ZNG1B: variants seen among roughly 807,000 people sequenced by gnomAD.
The protein encoded by ZNG1B is zinc-regulated GTPase metalloprotein activator 1B.
At chr2:113,455,524 A>G in the ZNG1B span, 11 of 1,156,812 alleles carry the variant, frequency 9.5e-6, no homozygotes, top group African/African-American at 6.3e-5. Context: ...ATGTTGTTAC[A>G]TACAGTAAAA....
the ZNG1B span, among the ~76,000 whole-genome samples, chr2:113,473,696 T>C: frequency 0.25 from 26,782 of 107,282 alleles, 2,613 homozygotes; most frequent in East Asian, 0.46. Context: ...TTTAGCATGA[T>C]GGGTTGTTGA....
the ZNG1B span, among the ~76,000 whole-genome samples, chr2:113,472,591 T>A: frequency 6.6e-6 from 1 of 151,878 alleles, no homozygotes; most frequent in Non-Finnish European, 1.5e-5. Flanking sequence ...AATGCCTAGG[T>A]CTTCTTCTAG....
At chr2:113,448,771 G>C in the ZNG1B span, among the ~76,000 whole-genome samples, 1 of 151,962 alleles carries the variant, frequency 6.6e-6, no homozygotes, top group African/African-American at 2.4e-5. Context: ...TGGCTTGGTG[G>C]TGGGAGCCTG....
chr2:113,486,990 G>C, the ZNG1B span, among the ~76,000 whole-genome samples: 1 of 127,106 alleles, frequency 7.9e-6, no homozygotes, highest in African/African-American at 3.1e-5. Flanking sequence ...TAAAATAATT[G>C]TCATTTAAAA....
the ZNG1B span, among the ~76,000 whole-genome samples, chr2:113,446,773 CACACACACACACACACACATTCAT>C: frequency 3.4e-4 from 18 of 52,400 alleles, no homozygotes; most frequent in East Asian, 5.8e-3. Context: ...CATGCACACG[CACACACACACACACACACATTCAT>C]ACACACACAC....
At chr2:113,476,742 G>T in the ZNG1B span, among the ~76,000 whole-genome samples, 1 of 151,980 alleles carries the variant, frequency 6.6e-6, no homozygotes, top group Non-Finnish European at 1.5e-5. Flanking sequence ...TAACAGACAG[G>T]ACCTTCAGCT....
the ZNG1B span, among the ~76,000 whole-genome samples, chr2:113,487,521 A>C: frequency 6.6e-5 from 10 of 151,922 alleles, no homozygotes; most frequent in Non-Finnish European, 1.3e-4. Context: ...CCCATTGAAC[A>C]GCCCCTCCCA....
chr2:113,463,398 G>C, the ZNG1B span, among the ~76,000 whole-genome samples: 1 of 152,076 alleles, frequency 6.6e-6, no homozygotes, highest in Admixed American at 6.6e-5. Flanking sequence ...TTTTGAATCT[G>C]TCATCTCAGT....
chr2:113,470,849 T>C, the ZNG1B span: 1 of 743,748 alleles, frequency 1.3e-6, no homozygotes, highest in Non-Finnish European at 2.1e-6. Context: ...AAAAACCTAA[T>C]TCATTGAAGT....
At chr2:113,474,096 G>A in the ZNG1B span, among the ~76,000 whole-genome samples, 175 of 151,854 alleles carry the variant, frequency 1.2e-3, no homozygotes, top group Admixed American at 3.4e-3. Flanking sequence ...GGTAGAATTC[G>A]GCTGTGAATC....
the ZNG1B span, chr2:113,444,097 A>G: frequency 1.7e-5 from 8 of 459,782 alleles, no homozygotes; most frequent in African/African-American, 5.9e-5. Context: ...TTTTGATGTC[A>G]GGGCTTATTT....
At chr2:113,453,036 G>A in the ZNG1B span, 2 of 1,449,604 alleles carry the variant, frequency 1.4e-6, no homozygotes, top group Non-Finnish European at 1.9e-6. Flanking sequence ...GAAGATATAT[G>A]TGTTTACCTG....
chr2:113,437,728 C>G, the ZNG1B span: 5 of 1,524,792 alleles, frequency 3.3e-6, no homozygotes, highest in Non-Finnish European at 4.5e-6. Flanking sequence ...CCCAGGTAAT[C>G]CGGGCGGGAT....
At chr2:113,486,468 T>A in the ZNG1B span, among the ~76,000 whole-genome samples, 1 of 148,518 alleles carries the variant, frequency 6.7e-6, no homozygotes, top group Non-Finnish European at 1.5e-5. Context: ...TATAAAAATC[T>A]TTAGGCTGGG....
chr2:113,438,989 A>T, the ZNG1B span: 49 of 1,258,936 alleles, frequency 3.9e-5, no homozygotes, highest in African/African-American at 6.7e-4. Context: ...GTAATTTTAT[A>T]AAGGAATTTA....
chr2:113,468,290 CA>C, the ZNG1B span, among the ~76,000 whole-genome samples: 1 of 150,976 alleles, frequency 6.6e-6, no homozygotes, highest in Non-Finnish European at 1.5e-5. Context: ...TTGGCTGGTG[CA>C]CCCTGTTTGT....
the ZNG1B span, chr2:113,441,206 A>C: frequency 7.8e-7 from 1 of 1,280,274 alleles, no homozygotes; most frequent in Non-Finnish European, 1.0e-6. Flanking sequence ...AGGATGCTTT[A>C]ATCTTATCCT....
chr2:113,459,817 G>A, the ZNG1B span, among the ~76,000 whole-genome samples: 1 of 144,504 alleles, frequency 6.9e-6, no homozygotes, highest in African/African-American at 2.6e-5. Context: ...ATTGAGGTTT[G>A]AGGTAATGAG....
At chr2:113,438,964 GT>G in the ZNG1B span, 3 of 1,506,712 alleles carry the variant, frequency 2.0e-6, no homozygotes, top group Non-Finnish European at 1.8e-6. Flanking sequence ...GTTTATTCCC[GT>G]TTTTTGCTCG....
Sources: gnomAD v4.1 joint callset for allele counts (sites outside exome capture counted in the v4.1 genomes callset) on GRCh38, gnomAD v4.1.1 for gene constraint, MANE v1.5 for transcripts, NCBI Gene and HGNC (gene_info 2026-07-23, HGNC 2026-07-21) for gene names.